B3GLCT: variants seen among roughly 807,000 people sequenced by gnomAD.
B3GLCT encodes beta 3-glucosyltransferase.
B3GLCT carries 65 observed loss-of-function variants against 63.4 expected under a neutral mutation model. The observed-to-expected ratio is 1.03, with a 90% CI of 0.84 to 1.26. The LOEUF (loss-of-function observed/expected upper bound fraction) is 1.26, where lower values mean the gene tolerates loss of function less well. B3GLCT is among the 50% of genes most tolerant of loss of function. The pLI is 0.00. For synonymous variants in B3GLCT, 233 were observed against 219.2 expected (o/e 1.06, Z -0.55); for missense variants, 577 against 604.8 (o/e 0.95, Z 0.48).
chr13:31,320,565 A>T (rs1198090018), intron 13 of B3GLCT, among the ~76,000 whole-genome samples: 3 of 152,140 alleles, frequency 2.0e-5, no homozygotes, highest in Non-Finnish European at 4.4e-5. Flanking sequence ...TTATTTGAAT[A>T]TTTTTATTTG....
intron 11 of B3GLCT, among the ~76,000 whole-genome samples, chr13:31,285,236 T>C (rs1873262242): frequency 6.6e-6 from 1 of 152,154 alleles, no homozygotes; most frequent in South Asian, 2.1e-4. Context: ...TCTCTTCAAA[T>C]TGCAGGCTTT....
chr13:31,244,297 G>A (rs886390529), intron 4 of B3GLCT, among the ~76,000 whole-genome samples: 1 of 152,170 alleles, frequency 6.6e-6, no homozygotes, highest in South Asian at 2.1e-4. Flanking sequence ...TTCGAGACCA[G>A]CCTGGCCAAC....
At chr13:31,273,647 T>C (rs1478223880) in intron 8 of B3GLCT, among the ~76,000 whole-genome samples, 1 of 152,192 alleles carries the variant, frequency 6.6e-6, no homozygotes, top group Non-Finnish European at 1.5e-5. Flanking sequence ...GTAAGCACCC[T>C]TGTTCCTTTG....
chr13:31,287,638 G>A (rs1873398747), intron 12 of B3GLCT, among the ~76,000 whole-genome samples: 1 of 151,856 alleles, frequency 6.6e-6, no homozygotes, highest in African/African-American at 2.4e-5. Context: ...AAAGTTGCCA[G>A]GCATATAAAG....
At chr13:31,274,144 C>A (rs1489185192) in intron 8 of B3GLCT, among the ~76,000 whole-genome samples, 1 of 152,126 alleles carries the variant, frequency 6.6e-6, no homozygotes, top group Non-Finnish European at 1.5e-5. Context: ...ATGTTTTAAG[C>A]AAGTTGAGTA....
At chr13:31,251,816 T>G (rs1871442095) in intron 6 of B3GLCT, among the ~76,000 whole-genome samples, 1 of 152,176 alleles carries the variant, frequency 6.6e-6, no homozygotes, top group Non-Finnish European at 1.5e-5. Flanking sequence ...CCGGGAGAAC[T>G]TCCCCAACGT....
At chr13:31,313,511 G>C (rs956339721) in intron 12 of B3GLCT, among the ~76,000 whole-genome samples, 2 of 152,314 alleles carry the variant, frequency 1.3e-5, no homozygotes, top group Middle Eastern at 3.4e-3. Flanking sequence ...CTAGAGATTT[G>C]TGAAACTTTC....
chr13:31,200,176 G>T, intron 1 of B3GLCT, 22 bp downstream of exon 1: 1 of 1,281,206 alleles, frequency 7.8e-7, no homozygotes, highest in Non-Finnish European at 1.0e-6. Context: ...GCGGCCAGGC[G>T]CGCAAGGGCG....
chr13:31,313,334 T>C (rs544091435), intron 12 of B3GLCT, among the ~76,000 whole-genome samples: 1 of 152,342 alleles, frequency 6.6e-6, no homozygotes, highest in Admixed American at 6.5e-5. Flanking sequence ...TTTGGAACTT[T>C]AGCCTAGAGA....
intron 11 of B3GLCT, among the ~76,000 whole-genome samples, chr13:31,285,603 G>GT (rs1471417259): frequency 3.4e-5 from 1 of 29,720 alleles, no homozygotes; most frequent in Non-Finnish European, 6.4e-5. Flanking sequence ...CCTTTTATGA[G>GT]TAAAAAAAAA....
chr13:31,205,247 T>G (rs1341543516), intron 1 of B3GLCT, among the ~76,000 whole-genome samples: 6 of 151,088 alleles, frequency 4.0e-5, no homozygotes, highest in African/African-American at 9.7e-5. Flanking sequence ...TTTTTTTTTT[T>G]GTTTTTTTTT....
At position 31,200,158 on chromosome 13, in the gene B3GLCT, A is replaced by G; in HGVS notation, c.70+4A>G. On this transcript the variant is annotated splice_donor_region_variant and intron_variant, in intron 1 of 14. Coordinates refer to ENST00000343307, the MANE Select transcript of B3GLCT (RefSeq NM_194318.4). The stretch of plus-strand genomic sequence containing the variant: ...GCGCTCCTCACCTGCTCCCTGGGTA[A>G]GTAGCGGGCGGCCAGGCGCGCAAGG... 1 of 1,320,296 alleles carries G rather than the reference A, an allele frequency of 7.6e-7. No individual in the cohort carries two copies. Among genetic ancestry groups the G allele is most frequent in the Non-Finnish European group, 9.8e-7 (1 of 1,024,124 alleles). 81.8% of individuals were successfully genotyped at this position (1,320,296 alleles called of 1,614,324 possible). A position where few individuals can be genotyped will look rare whatever the true frequency, so the allele number is the denominator to read the frequency against.
intron 13 of B3GLCT, among the ~76,000 whole-genome samples, chr13:31,322,265 C>A (rs997751606): frequency 2.4e-4 from 36 of 152,252 alleles, no homozygotes; most frequent in African/African-American, 8.4e-4. Flanking sequence ...GAGAGACTGC[C>A]ATGACCTATT....
intron 6 of B3GLCT, among the ~76,000 whole-genome samples, chr13:31,254,787 C>T (rs1055994058): frequency 1.7e-4 from 26 of 152,136 alleles, no homozygotes; most frequent in African/African-American, 6.3e-4. Context: ...TGCAGGGACT[C>T]ACACCTGTAA....
chr13:31,248,781 C>T (rs1871303003), intron 6 of B3GLCT, among the ~76,000 whole-genome samples: 1 of 152,122 alleles, frequency 6.6e-6, no homozygotes, highest in Non-Finnish European at 1.5e-5. Flanking sequence ...AATCCCTAGC[C>T]CTTAGCAGAG....
intron 3 of B3GLCT, among the ~76,000 whole-genome samples, chr13:31,224,144 G>A (rs1162050725): frequency 1.3e-5 from 2 of 152,102 alleles, no homozygotes; most frequent in African/African-American, 4.8e-5. Context: ...GGCCCACAGG[G>A]GAGTGTTTTG....
At chr13:31,324,518 G>A (rs1875508348) in intron 14 of B3GLCT, among the ~76,000 whole-genome samples, 2 of 152,116 alleles carry the variant, frequency 1.3e-5, no homozygotes, top group South Asian at 4.1e-4. Context: ...CCTGCATTAT[G>A]TTTAGTATCT....
chr13:31,325,217 C>A (rs1875546639), intron 14 of B3GLCT, among the ~76,000 whole-genome samples: 1 of 152,092 alleles, frequency 6.6e-6, no homozygotes. Context: ...TATGAGAAAC[C>A]TCCTTCCTGG....
chr13:31,237,353 G>GTTT lies in B3GLCT; in HGVS notation c.270+8075_270+8077dup, dbSNP rs372747180. 1.6e-3 allele frequency among the ~76,000 whole-genome samples: 206 copies of GTTT among 130,918 alleles called. 2 individuals are homozygous for GTTT. The highest frequency in any genetic ancestry group is 3.1e-3 in the South Asian group (12 of 3,896). The allele number at this position is 130,918 out of a possible 152,430, so 85.9% of individuals were successfully genotyped here. Reference sequence around the variant, plus strand: ...CTTAGTTAAAACTTAGCTGGAGGCTGTTTTTTTTTTTTTTTTTTAGATGGA... The same window carrying GTTT: ...CTTAGTTAAAACTTAGCTGGAGGCTGTTTTTTTTTTTTTTTTTTTTTAGATGGA... On this transcript the variant is annotated intron_variant, in intron 4 of 14. Coordinates refer to ENST00000343307, the MANE Select transcript of B3GLCT (RefSeq NM_194318.4).
Sources: allele counts gnomAD v4.1 joint callset (sites outside exome capture counted in the v4.1 genomes callset), GRCh38; gene constraint gnomAD v4.1.1; transcripts MANE v1.5; gene names NCBI Gene and HGNC (gene_info 2026-07-23, HGNC 2026-07-21).